The following PCDHA2 variants were observed in gnomAD, a reference collection of about 807,000 sequenced individuals.
PCDHA2 encodes protocadherin alpha 2.
PCDHA2 carries 58 observed loss-of-function variants against 66.0 expected under a neutral mutation model. The ratio of observed to expected loss-of-function variants is 0.88; its 90% CI spans 0.71 to 1.09. The LOEUF is 1.09. Among genes scored for constraint, PCDHA2 ranks in the 50% least tolerant of loss-of-function variants. The pLI is 0.00. For missense variants in PCDHA2, 1,267 were observed against 1,242.3 expected (o/e 1.02, Z -0.30); for synonymous variants, 634 against 554.0 (o/e 1.14, Z -2.03).
At chr5:140,992,236 G>A (rs1431521103) in intron 3 of PCDHA2, among the ~76,000 whole-genome samples, 1 of 152,168 alleles carries the variant, frequency 6.6e-6, no homozygotes, top group African/African-American at 2.4e-5. Context: ...GAAGAGTAAG[G>A]AAGGAAGTAG....
rs2150332789 is a variant in PCDHA2, at chr5:140,842,251, T to C, written c.2388+44899T>C. 6 of 1,611,822 alleles carry C rather than the reference T, an allele frequency of 3.7e-6. 1 individual carries two copies. The highest frequency in any genetic ancestry group is 5.1e-6 in the Non-Finnish European group (6 of 1,178,190). Reference sequence around the variant, plus strand: ...TAGTGATTCGGGGTAATTTGGATTTTGAACAAGAAAACTTATACAAAATCC... The same window carrying C: ...TAGTGATTCGGGGTAATTTGGATTTCGAACAAGAAAACTTATACAAAATCC... On this transcript the variant is annotated intron_variant, in intron 1 of 3. Coordinates refer to ENST00000526136, the MANE Select transcript of PCDHA2 (RefSeq NM_018905.3).
chr5:140,969,051 A>T (rs908108421), intron 1 of PCDHA2: 3 of 1,614,062 alleles, frequency 1.9e-6, no homozygotes, highest in Non-Finnish European at 1.7e-6. Context: ...CAAGCCAACA[A>T]CAATATTGAT....
intron 1 of PCDHA2, among the ~76,000 whole-genome samples, chr5:140,844,742 T>C (rs1779524927): frequency 1.3e-5 from 2 of 149,642 alleles, no homozygotes; most frequent in Admixed American, 6.7e-5. Context: ...TTTAGTATTA[T>C]GGGATAAATC....
chr5:140,835,543 G>A (rs2150237824), intron 1 of PCDHA2: 1 of 1,613,934 alleles, frequency 6.2e-7, no homozygotes, highest in African/African-American at 1.3e-5. Context: ...CAGGTTACCT[G>A]CTCCCTGACG....
intron 1 of PCDHA2, among the ~76,000 whole-genome samples, chr5:140,931,876 T>G (rs533517349): frequency 1.3e-5 from 2 of 152,112 alleles, no homozygotes; most frequent in South Asian, 4.1e-4. Context: ...AAATATTTAT[T>G]GCTTTCATTT....
chr5:140,848,301 G>A (rs2150408358), intron 1 of PCDHA2: 1 of 676,876 alleles, frequency 1.5e-6, no homozygotes, highest in Non-Finnish European at 2.5e-6. Flanking sequence ...GCCACGTGAT[G>A]TCACTCTTTG....
At chr5:140,897,227 CA>C (rs1408350956) in intron 1 of PCDHA2, among the ~76,000 whole-genome samples, 2 of 152,036 alleles carry the variant, frequency 1.3e-5, no homozygotes, top group African/African-American at 2.4e-5. Context: ...TACATGTGCA[CA>C]ATGTGCAGGT....
At chr5:140,840,486 A>G (rs1263185469) in intron 1 of PCDHA2, among the ~76,000 whole-genome samples, 5 of 152,034 alleles carry the variant, frequency 3.3e-5, no homozygotes, top group Admixed American at 3.3e-4. Context: ...TAAAGGCATA[A>G]TTCTGGTAAA....
chr5:140,956,820 G>C (rs246011), intron 1 of PCDHA2, among the ~76,000 whole-genome samples: 85,659 of 151,910 alleles, frequency 0.56, 24,765 homozygotes, highest in African/African-American at 0.69. Context: ...GCTTCAATTT[G>C]TAATTTAATA....
chr5:140,927,706 C>G lies in PCDHA2; in HGVS notation c.2389-51243C>G, dbSNP rs1584519766. The G allele has an allele frequency of 1.2e-6, 2 of 1,614,108 alleles. No homozygotes were observed. Among genetic ancestry groups the G allele is most frequent in the African/African-American group, 2.7e-5 (2 of 74,940 alleles). Reference sequence around the variant, plus strand: ...GTCCAATGGGGAAGTCCAGTACTCCCTAAGCAACAGCACGCAAGCAGAGCT... The same window carrying G: ...GTCCAATGGGGAAGTCCAGTACTCCGTAAGCAACAGCACGCAAGCAGAGCT... On this transcript the variant is annotated intron_variant, in intron 1 of 3. Coordinates refer to ENST00000526136, the MANE Select transcript of PCDHA2 (RefSeq NM_018905.3).
intron 1 of PCDHA2, chr5:140,801,317 G>C: frequency 6.2e-7 from 1 of 1,613,364 alleles, no homozygotes; most frequent in Admixed American, 1.7e-5. Flanking sequence ...AGGAGGCCAA[G>C]CATGGCACCT....
At chr5:140,801,046 T>C in intron 1 of PCDHA2, 1 of 1,437,038 alleles carries the variant, frequency 7.0e-7, no homozygotes, top group South Asian at 1.5e-5. Flanking sequence ...ACAAAAGAAA[T>C]AACAGCGTGC....
In PCDHA2 at chr5:140,794,896, A is replaced by G; in HGVS notation, c.-69A>G. On this transcript the variant is annotated 5_prime_UTR_variant, in exon 1 of 4. Coordinates refer to ENST00000526136, the MANE Select transcript of PCDHA2 (RefSeq NM_018905.3). ...ATAAGAGAAGCAGCAGGACTTTAAC[A>G]GAGACTAGAATATTTAAATTTTTGC... The G allele has an allele frequency of 6.8e-7, 1 of 1,476,420 alleles. No homozygotes were observed. The highest frequency in any genetic ancestry group is 9.1e-7 in the Non-Finnish European group (1 of 1,092,980). The allele number at this position is 1,476,420 out of a possible 1,614,324, so 91.5% of individuals were successfully genotyped here.
At chr5:140,853,031 A>G (rs2150527488) in intron 1 of PCDHA2, 7 of 259,886 alleles carry the variant, frequency 2.7e-5, no homozygotes, top group Non-Finnish European at 4.4e-5. Flanking sequence ...GGCGCCTGCC[A>G]CCATGCCCGC....
At chr5:140,869,760 A>G in intron 1 of PCDHA2, 1 of 1,613,206 alleles carries the variant, frequency 6.2e-7, no homozygotes, top group Non-Finnish European at 8.5e-7. Flanking sequence ...ACGGGGGAAA[A>G]CCAGAGCTTA....
chr5:140,857,371 T>C (rs1203627643), intron 1 of PCDHA2: 2 of 1,598,092 alleles, frequency 1.3e-6, no homozygotes, highest in African/African-American at 2.7e-5. Flanking sequence ...CCAGCGTGTC[T>C]GTGGAGGTGG....
At chr5:140,981,939 A>G (rs765176340) in intron 2 of PCDHA2, among the ~76,000 whole-genome samples, 1 of 152,180 alleles carries the variant, frequency 6.6e-6, no homozygotes, top group Non-Finnish European at 1.5e-5. Context: ...CTCAGGAAAT[A>G]TAGGGTGGGT....
At chr5:140,842,787 T>G (rs1554139371) in intron 1 of PCDHA2, 1 of 1,594,358 alleles carries the variant, frequency 6.3e-7, no homozygotes, top group African/African-American at 1.3e-5. Flanking sequence ...GAGAACGCGC[T>G]GGTGTCCTAC....
intron 1 of PCDHA2, among the ~76,000 whole-genome samples, chr5:140,893,419 G>A (rs2063984571): frequency 6.6e-6 from 1 of 152,158 alleles, no homozygotes; most frequent in African/African-American, 2.4e-5. Context: ...TAGGGAGGCA[G>A]AGGCAGGAAG....
Sources: gnomAD v4.1 joint callset for allele counts (sites outside exome capture counted in the v4.1 genomes callset) on GRCh38, gnomAD v4.1.1 for gene constraint, MANE v1.5 for transcripts, NCBI Gene and HGNC (gene_info 2026-07-23, HGNC 2026-07-21) for gene names.